Variants in GNG13 observed in about 807,000 individuals in gnomAD.
GNG13 encodes guanine nucleotide-binding protein G(I)/G(S)/G(O) subunit gamma-13.
In GNG13, 12 loss-of-function variants were observed where a neutral mutation model predicts 8.2. The observed-to-expected ratio is 1.47, with a 90% CI of 0.94 to 2.38. The LOEUF (loss-of-function observed/expected upper bound fraction) is 2.38, where lower values mean the gene tolerates loss of function less well. Among genes scored for constraint, GNG13 ranks in the 30% most tolerant of loss-of-function variants. The pLI, the probability that GNG13 is intolerant of heterozygous loss-of-function variation, is 0.00. For synonymous variants in GNG13, 45 were observed against 33.0 expected (o/e 1.37, Z -1.25); for missense variants, 100 against 85.2 (o/e 1.17, Z -0.68).
Position 798,805 on chromosome 16 carries a change from C to T in GNG13, c.118G>A (p.Asp40Asn), listed in dbSNP as rs775328510. ...TIPELLKWIE[D>N]GIPKDPFLNP... ...AGGAAGGGGTCCTTGGGGATCCCGTCCTCGATCCACTTCAGCAGCCTGCGG... is the reference window on the plus strand; with the variant it reads ...AGGAAGGGGTCCTTGGGGATCCCGTTCTCGATCCACTTCAGCAGCCTGCGG... Residue 40 changes from aspartate (D) to asparagine (N), a missense_variant, in exon 3 of 3, where the codon GAC (aspartate) becomes AAC (asparagine). Transcript: ENST00000248150. 5 of 1,612,114 alleles carry T rather than the reference C, an allele frequency of 3.1e-6. No individual in the cohort carries two copies. The Admixed American group carries it at 6.7e-5, about 21-fold the overall frequency.
chr16:800,502 G>A (rs947168126), intron 1 of GNG13, among the ~76,000 whole-genome samples, 164 bp downstream of exon 1: 1 of 152,198 alleles, frequency 6.6e-6, no homozygotes, highest in Admixed American at 6.5e-5. Flanking sequence ...CGCGAGAGCC[G>A]CCTCCCTGCC....
chr16:799,159 GT>G (rs2042425913), intron 1 of GNG13, 48 bp from the exon 2 acceptor site: 1 of 793,532 alleles, frequency 1.3e-6, no homozygotes, highest in African/African-American at 1.7e-5. Flanking sequence ...CCAGCCTGTA[GT>G]CCCCACCCCC....
intron 1 of GNG13, 60 bp from the exon 2 acceptor site, chr16:799,171 G>C (rs1011997862): frequency 4.1e-6 from 3 of 730,412 alleles, no homozygotes; most frequent in Non-Finnish European, 7.4e-6. Context: ...CCCCACCCCC[G>C]CTGCTCCCCG....
At chr16:800,505 T>C (rs2042436702) in intron 1 of GNG13, among the ~76,000 whole-genome samples, 161 bp downstream of exon 1, 1 of 152,130 alleles carries the variant, frequency 6.6e-6, no homozygotes, top group Non-Finnish European at 1.5e-5. Flanking sequence ...GAGAGCCGCC[T>C]CCCTGCCTGC....
chr16:798,708 G>C lies in GNG13; in HGVS notation c.*11C>G. ...CTCACAGGATGGTGTGAGAGGGGCC[G>C]GGTGCGGGGCTCACAGGATGGTGCA... On this transcript the variant is annotated 3_prime_UTR_variant, in exon 3 of 3. Coordinates refer to ENST00000248150, the MANE Select transcript of GNG13 (RefSeq NM_016541.3). The C allele has an allele frequency of 2.0e-6, 3 of 1,527,430 alleles. No homozygotes were observed. In the South Asian group the frequency reaches 3.4e-5, roughly 17 times the overall value. The allele number at this position is 1,527,430 out of a possible 1,614,324, so 94.6% of individuals were successfully genotyped here. A position where few individuals can be genotyped will look rare whatever the true frequency, so the allele number is the denominator to read the frequency against.
chr16:798,918 G>A, intron 2 of GNG13, 62 bp downstream of exon 2: 2 of 1,361,588 alleles, frequency 1.5e-6, no homozygotes, highest in East Asian at 2.3e-5. Flanking sequence ...CGTGGCTATG[G>A]AAATGAGCAG....
chr16:798,589 T>TGGTGGGAGTGGG lies in GNG13; in HGVS notation c.*118_*129dup. On this transcript the variant is annotated 3_prime_UTR_variant, in exon 3 of 3. Transcript: ENST00000248150. ...TGGGGCCGGGCATGGGCTCACAGGA[T>TGGTGGGAGTGGG]GGTGGGAGTGGGGCTGGGAGTGGGA... 2 of 755,508 alleles carry TGGTGGGAGTGGG rather than the reference T, an allele frequency of 2.6e-6. No individual in the cohort carries two copies. 46.8% of individuals were successfully genotyped at this position (755,508 alleles called of 1,614,324 possible).
chr16:799,828 C>T (rs1411149207), intron 1 of GNG13, among the ~76,000 whole-genome samples: 3 of 152,096 alleles, frequency 2.0e-5, no homozygotes, highest in Admixed American at 2.0e-4. Context: ...TGCCCCCTGC[C>T]TCTCCCCCTA....
chr16:798,188 C>T lies in GNG13; in HGVS notation c.*531G>A. 2.9e-6 allele frequency: 2 copies of T among 681,046 alleles called. No homozygotes were observed. Among genetic ancestry groups the T allele is most frequent in the Admixed American group, 2.6e-5 (1 of 38,414 alleles). The allele number at this position is 681,046 out of a possible 1,614,324, so 42.2% of individuals were successfully genotyped here. A position where few individuals can be genotyped will look rare whatever the true frequency, so the allele number is the denominator to read the frequency against. Reference sequence around the variant, plus strand: ...GGCTCACAGGATGGTGGGAGTGGGGCCAGGCGTGGTCTCACAGGATAGAGT... The same window carrying T: ...GGCTCACAGGATGGTGGGAGTGGGGTCAGGCGTGGTCTCACAGGATAGAGT... On this transcript the variant is annotated 3_prime_UTR_variant, in exon 3 of 3. Coordinates refer to ENST00000248150, the MANE Select transcript of GNG13 (RefSeq NM_016541.3).
rs2042413760 is a variant in GNG13 at position 798,301 on chromosome 16, GC to G, written c.*417del. 2 of 528,242 alleles carry G rather than the reference GC, an allele frequency of 3.8e-6. No individual in the cohort carries two copies. Among genetic ancestry groups the G allele is most frequent in the Admixed American group, 6.2e-5 (2 of 32,250 alleles). The allele number at this position is 528,242 out of a possible 1,614,324, so 32.7% of individuals were successfully genotyped here. A position where few individuals can be genotyped will look rare whatever the true frequency, so the allele number is the denominator to read the frequency against. ...TGTTGTGAGTGGGGCCGGGAGTGGG[GC>G]TCACAGGTTGGTGTGAGTGGGGCTG... is the stretch of plus-strand genomic sequence containing the variant. On this transcript the variant is annotated 3_prime_UTR_variant, in exon 3 of 3. Transcript: ENST00000248150.
intron 1 of GNG13, among the ~76,000 whole-genome samples, 169 bp downstream of exon 1, chr16:800,497 G>A (rs914292473): frequency 1.3e-5 from 2 of 152,220 alleles, no homozygotes; most frequent in Admixed American, 1.3e-4. Flanking sequence ...CGCACCGCGA[G>A]AGCCGCCTCC....
intron 1 of GNG13, among the ~76,000 whole-genome samples, chr16:799,890 G>A (rs735326): frequency 0.22 from 31,976 of 148,666 alleles, 3,498 homozygotes; most frequent in South Asian, 0.37. Flanking sequence ...TCTGGCCCCC[G>A]TCCCCAAGGT....
chr16:798,972 GCACT>G lies in GNG13; in HGVS notation c.98+4_98+7del, dbSNP rs757414230. The G allele has an allele frequency of 4.5e-6, 7 of 1,543,108 alleles. No individual in the cohort carries two copies. In the Admixed American group the frequency reaches 1.2e-4, roughly 26 times the overall value. ...ATGAGAGGCAAATCAGGCAGGTGGG[GCACT>G]CACTCGGGGATGGTCTTGGACGCCA... is the stretch of plus-strand genomic sequence containing the variant. On this transcript the variant is annotated splice_donor_5th_base_variant and intron_variant, in intron 2 of 2. Coordinates refer to ENST00000248150, the MANE Select transcript of GNG13 (RefSeq NM_016541.3).
rs1031209555 is a variant in GNG13 at position 798,132 on chromosome 16, C to G, written c.*587G>C. 3.0e-6 allele frequency: 3 copies of G among 989,898 alleles called. No homozygotes were observed. The South Asian group carries it at 4.7e-5, about 16-fold the overall frequency. The allele number at this position is 989,898 out of a possible 1,614,324, so 61.3% of individuals were successfully genotyped here. A position where few individuals can be genotyped will look rare whatever the true frequency, so the allele number is the denominator to read the frequency against. On this transcript the variant is annotated 3_prime_UTR_variant, in exon 3 of 3. Coordinates refer to ENST00000248150, the MANE Select transcript of GNG13 (RefSeq NM_016541.3). ...GTGGGAGTGGGGCCGGGCGTGGGCT[C>G]ATAGGATGGTGTGAGTGGGGCCAGG...
rs764037656 is a variant in GNG13, at chr16:799,115, G to C, written c.-34-4C>G. ...TTCTGAAGCAGCCAGCCTGGGGCTG[G>C]AGGGCACAGGAGGAAGCCACAGGGC... On this transcript the variant is annotated splice_region_variant and splice_polypyrimidine_tract_variant and intron_variant, in intron 1 of 2. Transcript: ENST00000248150. 8.2e-7 allele frequency: 1 copy of C among 1,222,074 alleles called. No homozygotes were observed. Among genetic ancestry groups the C allele is most frequent in the African/African-American group, 1.5e-5 (1 of 67,360 alleles). 75.7% of individuals were successfully genotyped at this position (1,222,074 alleles called of 1,614,324 possible).
In GNG13 at chr16:798,702, G is replaced by A. The variant is rs374819652; in HGVS notation, c.*17C>T. On this transcript the variant is annotated 3_prime_UTR_variant, in exon 3 of 3. Coordinates refer to ENST00000248150, the MANE Select transcript of GNG13 (RefSeq NM_016541.3). Reference sequence around the variant, plus strand: ...CGTGGTCTCACAGGATGGTGTGAGAGGGGCCGGGTGCGGGGCTCACAGGAT... The same window carrying A: ...CGTGGTCTCACAGGATGGTGTGAGAAGGGCCGGGTGCGGGGCTCACAGGAT... 5.0e-4 allele frequency: 749 copies of A among 1,490,474 alleles called. No individual in the cohort carries two copies. The highest frequency in any genetic ancestry group is 6.8e-4 in the Non-Finnish European group (724 of 1,068,274). 92.3% of individuals were successfully genotyped at this position (1,490,474 alleles called of 1,614,324 possible). A position where few individuals can be genotyped will look rare whatever the true frequency, so the allele number is the denominator to read the frequency against.
At position 799,072 on chromosome 16, in the gene GNG13, C is replaced by T. The variant is rs766475659; in HGVS notation, c.6G>A (p.Glu2=). Residue 2 remains glutamate, a synonymous_variant, in exon 2 of 3, where the codon GAG becomes GAA. Transcript: ENST00000248150. M[E]EWDVPQMKKE... ...TCTTCATCTGTGGCACGTCCCACTC[C>T]TCCATGGGGTCAGGGGCTTCTGAAG... 20 of 1,594,586 alleles carry T rather than the reference C, an allele frequency of 1.3e-5. No homozygotes were observed. The Admixed American group carries it at 3.3e-4, about 27-fold the overall frequency.
Position 798,776 on chromosome 16 carries a change from G to T in GNG13, c.147C>A (p.Asn49Lys). 1.2e-6 allele frequency: 2 copies of T among 1,613,344 alleles called. No individual in the cohort carries two copies. The highest frequency in any genetic ancestry group is 1.7e-6 in the Non-Finnish European group (2 of 1,179,668). The change falls in exon 3 of 3, where the codon AAC becomes AAA. Residue 49 changes from asparagine (N) to lysine (K), a missense_variant. Physicochemically the swap from Asn to Lys is moderately conservative, Grantham distance 94. Coordinates refer to ENST00000248150, the MANE Select transcript of GNG13 (RefSeq NM_016541.3). The stretch of plus-strand genomic sequence containing the variant: ...ATGGGTTGTTCTTCATCAGGTCGGG[G>T]TTCAGGAAGGGGTCCTTGGGGATCC... Reference protein sequence around the residue: ...EDGIPKDPFLNPDLMKNNPWV... With the variant: ...EDGIPKDPFLKPDLMKNNPWV...
chr16:800,365 T>A (rs1793640897), intron 1 of GNG13, among the ~76,000 whole-genome samples: 1 of 152,118 alleles, frequency 6.6e-6, no homozygotes, highest in South Asian at 2.1e-4. Context: ...TGCCCAGCCC[T>A]ACCTTCGCGC....
Sources: gnomAD v4.1 joint callset for allele counts (sites outside exome capture counted in the v4.1 genomes callset) on GRCh38, gnomAD v4.1.1 for gene constraint, MANE v1.5 for transcripts, NCBI Gene and HGNC (gene_info 2026-07-23, HGNC 2026-07-21) for gene names.